The following NPAT variants were observed in gnomAD, a reference collection of about 807,000 sequenced individuals.
NPAT encodes the protein nuclear protein, coactivator of histone transcription, also known as protein NPAT.
NPAT carries 52 observed loss-of-function variants against 130.7 expected under a neutral mutation model. The observed-to-expected ratio is 0.40, with a 90% CI of 0.32 to 0.50. The LOEUF is 0.50. Among genes scored for constraint, NPAT ranks in the 20% least tolerant of loss-of-function variants. The pLI is 0.68. For missense variants in NPAT, 1,687 were observed against 1,662.6 expected (o/e 1.01, Z -0.26); for synonymous variants, 580 against 584.8 (o/e 0.99, Z 0.12).
chr11:108,180,124 C>G (rs1591395588), intron 10 of NPAT, among the ~76,000 whole-genome samples: 1 of 152,210 alleles, frequency 6.6e-6, no homozygotes, highest in East Asian at 1.9e-4. Context: ...CCCAGGAGTT[C>G]TAGATCAGCC....
chr11:108,200,732 C>A (rs1038853874), intron 1 of NPAT, among the ~76,000 whole-genome samples: 5 of 152,118 alleles, frequency 3.3e-5, no homozygotes, highest in African/African-American at 1.2e-4. Flanking sequence ...TGTACAAAAA[C>A]CCAACAAAGG....
chr11:108,159,409 C>G (rs1263515909), intron 17 of NPAT, among the ~76,000 whole-genome samples: 2 of 152,108 alleles, frequency 1.3e-5, no homozygotes, highest in Admixed American at 6.6e-5. Flanking sequence ...TTTATGTATA[C>G]TACATTTAGA....
intron 13 of NPAT, among the ~76,000 whole-genome samples, chr11:108,170,359 T>C (rs2077939353): frequency 6.6e-6 from 1 of 152,188 alleles, no homozygotes; most frequent in African/African-American, 2.4e-5. Context: ...ATTACAATCA[T>C]ATCTGGATTC....
At chr11:108,202,673 G>A (rs2078285200) in intron 1 of NPAT, among the ~76,000 whole-genome samples, 2 of 152,142 alleles carry the variant, frequency 1.3e-5, no homozygotes, top group South Asian at 4.1e-4. Flanking sequence ...TGTGAGACTT[G>A]CCTTAGAAAT....
intron 10 of NPAT, among the ~76,000 whole-genome samples, chr11:108,181,007 T>C (rs1268180600): frequency 6.6e-6 from 1 of 152,084 alleles, no homozygotes; most frequent in East Asian, 1.9e-4. Flanking sequence ...AAACAGAAAG[T>C]AGAATGGTGG....
chr11:108,202,466 C>T (rs2078283534), intron 1 of NPAT, among the ~76,000 whole-genome samples: 1 of 151,436 alleles, frequency 6.6e-6, no homozygotes, highest in Non-Finnish European at 1.5e-5. Flanking sequence ...CTCAGGGACA[C>T]ACCTTTCAGC....
chr11:108,171,949 C>T (rs2077955354), intron 13 of NPAT: 1 of 495,442 alleles, frequency 2.0e-6, no homozygotes, highest in Non-Finnish European at 3.6e-6. Flanking sequence ...AACTTACTAG[C>T]ACATAGATTG....
chr11:108,199,074 C>A (rs750340868), intron 1 of NPAT, among the ~76,000 whole-genome samples: 15 of 152,216 alleles, frequency 9.9e-5, no homozygotes, highest in Non-Finnish European at 1.8e-4. Flanking sequence ...AGCTGTAACA[C>A]AAACGAGCTG....
chr11:108,210,884 A>T (rs558440238), intron 1 of NPAT, among the ~76,000 whole-genome samples: 2 of 152,340 alleles, frequency 1.3e-5, no homozygotes, highest in East Asian at 3.9e-4. Flanking sequence ...TACCAAAACA[A>T]GAGAAAGACA....
At chr11:108,183,619 T>C (rs2078077456) in intron 10 of NPAT, among the ~76,000 whole-genome samples, 1 of 152,070 alleles carries the variant, frequency 6.6e-6, no homozygotes. Context: ...CTGGCCAACA[T>C]GGTGAAACCT....
At position 108,185,276 on chromosome 11, in the gene NPAT, G is replaced by T. The variant is rs1337522849; in HGVS notation, c.862C>A (p.Pro288Thr). Residue 288 changes from proline to threonine, a missense_variant, in exon 10 of 18, where the codon CCT (proline) becomes ACT (threonine). By Grantham distance (38) the Pro-to-Thr change is conservative. Coordinates refer to ENST00000278612, the MANE Select transcript of NPAT (RefSeq NM_002519.3). Reference sequence around the variant, plus strand: ...TCAATTGAAGTCTCTGGCTCCGTAGGGTTGTTATCTGTTTGCTTAGGTACT... The same window carrying T: ...TCAATTGAAGTCTCTGGCTCCGTAGTGTTGTTATCTGTTTGCTTAGGTACT... ...AQVPKQTDNN[P>T]TEPETSIDEF... 3.1e-6 allele frequency: 5 copies of T among 1,612,188 alleles called. No individual in the cohort carries two copies. Among genetic ancestry groups the T allele is most frequent in the African/African-American group, 1.3e-5 (1 of 74,838 alleles).
intron 10 of NPAT, among the ~76,000 whole-genome samples, chr11:108,180,677 G>A (rs1434871537): frequency 2.6e-5 from 4 of 152,156 alleles, no homozygotes; most frequent in Non-Finnish European, 5.9e-5. Context: ...GAATTACCAG[G>A]TCCAGCAATC....
chr11:108,161,327 G>A lies in NPAT; in HGVS notation c.3759C>T (p.His1253=). ...TATCAGCAAGCCTACTTACTGAGCT[G>A]TGCCTCTGTATATCCTGTAACATTT... ...TTEMLQDIQR[H]SSVSRLADSS... is the part of the protein sequence containing the mutation. The change falls in exon 17 of 18, where the codon CAC becomes CAT. Residue 1253 remains histidine (H), a synonymous_variant. Coordinates refer to ENST00000278612, the MANE Select transcript of NPAT (RefSeq NM_002519.3). The A allele has an allele frequency of 3.1e-6, 5 of 1,614,138 alleles. No individual in the cohort carries two copies. Among genetic ancestry groups the A allele is most frequent in the Non-Finnish European group, 4.2e-6 (5 of 1,179,990 alleles).
At chr11:108,214,325 A>G (rs1219428163) in intron 1 of NPAT, among the ~76,000 whole-genome samples, 1 of 152,256 alleles carries the variant, frequency 6.6e-6, no homozygotes, top group Non-Finnish European at 1.5e-5. Context: ...GGCTGAAAAC[A>G]TTATGCTATG....
At chr11:108,214,116 G>A (rs918041742) in intron 1 of NPAT, among the ~76,000 whole-genome samples, 5 of 152,060 alleles carry the variant, frequency 3.3e-5, no homozygotes, top group South Asian at 2.1e-4. Context: ...GGCTGGTCTC[G>A]CTCCCCTGGC....
chr11:108,203,530 C>T (rs1438297702), intron 1 of NPAT, among the ~76,000 whole-genome samples: 2 of 152,156 alleles, frequency 1.3e-5, no homozygotes, highest in Non-Finnish European at 1.5e-5. Context: ...TGTAACAGTA[C>T]CCGAAGTACC....
At chr11:108,187,420 C>T (rs914624321) in intron 7 of NPAT, among the ~76,000 whole-genome samples, 4 of 152,128 alleles carry the variant, frequency 2.6e-5, no homozygotes, top group African/African-American at 9.7e-5. Flanking sequence ...CCACTATACT[C>T]TAACCTGGTC....
In NPAT at chr11:108,169,793, G is replaced by C. The variant is rs1368222091; in HGVS notation, c.2961C>G (p.Val987=). The change falls in exon 15 of 18, where the codon GTC becomes GTG. Residue 987 remains valine (V), a synonymous_variant. Transcript: ENST00000278612. ...VCNRSIPQFP[V]PPKSQKAQGL... ...CCTGAGCCTTCTGAGATTTTGGAGG[G>C]ACGGGGAATTGAGGGATACTTCTAT... The C allele has an allele frequency of 5.6e-6, 9 of 1,613,912 alleles. No homozygotes were observed. The highest frequency in any genetic ancestry group is 7.6e-6 in the Non-Finnish European group (9 of 1,179,890).
intron 2 of NPAT, 24 bp from the exon 3 acceptor site, chr11:108,194,041 T>C: frequency 1.6e-6 from 2 of 1,253,368 alleles, no homozygotes; most frequent in Non-Finnish European, 2.3e-6. Flanking sequence ...GATCAAATAT[T>C]ACCAAAATTG....
Sources: gnomAD v4.1 joint callset for allele counts (sites outside exome capture counted in the v4.1 genomes callset) on GRCh38, gnomAD v4.1.1 for gene constraint, MANE v1.5 for transcripts, NCBI Gene and HGNC (gene_info 2026-07-23, HGNC 2026-07-21) for gene names.